The following TSTD2 variants were observed in gnomAD, a reference collection of about 807,000 sequenced individuals.
TSTD2 encodes thiosulfate sulfurtransferase/rhodanese-like domain-containing protein 2.
A neutral mutation model predicts 47.9 loss-of-function variants in TSTD2; 37 were observed. The ratio of observed to expected loss-of-function variants is 0.77; its 90% CI spans 0.59 to 1.02. The LOEUF (loss-of-function observed/expected upper bound fraction) is 1.02. Among genes scored for constraint, TSTD2 ranks in the 50% least tolerant of loss-of-function variants. The probability of loss-of-function intolerance (pLI) is 0.00; values close to 1 mark genes in which losing one functional copy is unlikely to be tolerated. For missense variants in TSTD2, 586 were observed against 616.0 expected, an observed-to-expected ratio of 0.95 and a Z score of 0.52; for synonymous variants, 201 against 215.9, an observed-to-expected ratio of 0.93 and a Z score of 0.61.
rs12001859 is a variant in TSTD2 at position 97,630,646 on chromosome 9, G to A, written c.-51+2597C>T. On this transcript the variant is annotated intron_variant, in intron 1 of 9. Transcript: ENST00000341170. ...ACAGGTGATCTCATCTACTTCCAAG[G>A]ACTTAAAACTATATTTGCCTCAAAA... Among the ~76,000 whole-genome samples the A allele has an allele frequency of 1.0e-2, 1,518 of 152,168 alleles. 27 individuals are homozygous for A. The highest frequency in any genetic ancestry group is 0.034 in the African/African-American group (1,405 of 41,496).
At chr9:97,631,737 G>C (rs1826818401) in intron 1 of TSTD2, among the ~76,000 whole-genome samples, 1 of 152,092 alleles carries the variant, frequency 6.6e-6, no homozygotes. Context: ...GCCGCTACTT[G>C]GGTGGCTAAG....
chr9:97,604,951 T>C, intron 8 of TSTD2, 86 bp from the exon 9 acceptor site: 1 of 1,555,008 alleles, frequency 6.4e-7, no homozygotes, highest in Non-Finnish European at 8.7e-7. Flanking sequence ...TGGCGAGGAG[T>C]GCTGACGTAG....
chr9:97,627,312 C>T (rs1826738284), intron 2 of TSTD2, 86 bp downstream of exon 2: 6 of 1,493,508 alleles, frequency 4.0e-6, no homozygotes, highest in Non-Finnish European at 5.4e-6. Flanking sequence ...TTACCTTGAG[C>T]TGGAGAGCAA....
In TSTD2 at chr9:97,600,648, C is replaced by CACTT; in HGVS notation, c.*1817_*1820dup. The CACTT allele has an allele frequency of 2.0e-6, 2 of 990,382 alleles. No homozygotes were observed. The highest frequency in any genetic ancestry group is 1.2e-6 in the Non-Finnish European group (1 of 833,060). 61.3% of individuals were successfully genotyped at this position (990,382 alleles called of 1,614,324 possible). A position where few individuals can be genotyped will look rare whatever the true frequency, so the allele number is the denominator to read the frequency against. On this transcript the variant is annotated 3_prime_UTR_variant, in exon 10 of 10. Coordinates refer to ENST00000341170, the MANE Select transcript of TSTD2 (RefSeq NM_139246.5). ...TAGAGACTTCAGCTACTGATCTCATCACTTATTAGACAAATTGCTGCTGAC... is the reference window on the plus strand; with the variant it reads ...TAGAGACTTCAGCTACTGATCTCATCACTTACTTATTAGACAAATTGCTGCTGAC...
chr9:97,624,341 G>C (rs955310470), intron 3 of TSTD2, among the ~76,000 whole-genome samples: 1 of 152,130 alleles, frequency 6.6e-6, no homozygotes, highest in African/African-American at 2.4e-5. Context: ...CCCACAGAGA[G>C]GAATGGAGGC....
chr9:97,614,687 C>T (rs1273219982), intron 4 of TSTD2, among the ~76,000 whole-genome samples: 1 of 152,150 alleles, frequency 6.6e-6, no homozygotes, highest in Admixed American at 6.5e-5. Context: ...AGGAAGGAAA[C>T]AGCAAATGTC....
In TSTD2 at chr9:97,601,306, A is replaced by G; in HGVS notation, c.*1163T>C. 1 of 1,171,474 alleles carries G rather than the reference A, an allele frequency of 8.5e-7. No individual in the cohort carries two copies. The highest frequency in any genetic ancestry group is 1.6e-5 in the South Asian group (1 of 61,746). The allele number at this position is 1,171,474 out of a possible 1,614,324, so 72.6% of individuals were successfully genotyped here. On this transcript the variant is annotated 3_prime_UTR_variant, in exon 10 of 10. Coordinates refer to ENST00000341170, the MANE Select transcript of TSTD2 (RefSeq NM_139246.5). ...TGTGTGACAGGGACATGTGCCTGGC[A>G]CACTGGCCAGAAGACTGGGCAGCCA...
intron 3 of TSTD2, among the ~76,000 whole-genome samples, chr9:97,621,931 C>T (rs982647338): frequency 1.3e-5 from 2 of 151,946 alleles, no homozygotes; most frequent in African/African-American, 4.8e-5. Flanking sequence ...TTTTGAAATC[C>T]CTAATAAAAA....
At chr9:97,612,528 TAAC>T (rs754959902) in intron 4 of TSTD2, among the ~76,000 whole-genome samples, 4 of 152,242 alleles carry the variant, frequency 2.6e-5, no homozygotes, top group Non-Finnish European at 5.9e-5. Flanking sequence ...GACTTTTTAA[TAAC>T]AGCCATTCTG....
intron 8 of TSTD2, 53 bp downstream of exon 8, chr9:97,605,430 T>C: frequency 6.2e-7 from 1 of 1,603,748 alleles, no homozygotes; most frequent in Non-Finnish European, 8.5e-7. Flanking sequence ...AAGCTGCTGG[T>C]GGAGCTGCCT....
chr9:97,605,056 C>G (rs1210539713), intron 8 of TSTD2, among the ~76,000 whole-genome samples, 191 bp from the exon 9 acceptor site: 2 of 152,160 alleles, frequency 1.3e-5, no homozygotes, highest in African/African-American at 4.8e-5. Context: ...ACCAACTGGC[C>G]AGATCTTGCC....
chr9:97,614,057 T>C (rs1220273157), intron 4 of TSTD2, among the ~76,000 whole-genome samples: 6 of 152,050 alleles, frequency 3.9e-5, no homozygotes, highest in Non-Finnish European at 7.4e-5. Context: ...CTCAATCTCC[T>C]GACCTTGTGA....
chr9:97,610,722 CAT>C (rs1287116803), intron 5 of TSTD2: 32 of 242,010 alleles, frequency 1.3e-4, no homozygotes, highest in African/African-American at 5.4e-4. Flanking sequence ...GCAATTCTAA[CAT>C]GTGACTATAC....
intron 3 of TSTD2, among the ~76,000 whole-genome samples, chr9:97,618,997 T>C (rs1369856382): frequency 1.3e-5 from 2 of 152,236 alleles, no homozygotes; most frequent in African/African-American, 4.8e-5. Context: ...TCGTTGTTTT[T>C]CTAACTAGTA....
At position 97,600,752 on chromosome 9, in the gene TSTD2, C is replaced by A; in HGVS notation, c.*1717G>T. 1 of 1,006,626 alleles carries A rather than the reference C, an allele frequency of 9.9e-7. No individual in the cohort carries two copies. The highest frequency in any genetic ancestry group is 1.2e-6 in the Non-Finnish European group (1 of 842,696). 62.4% of individuals were successfully genotyped at this position (1,006,626 alleles called of 1,614,324 possible). On this transcript the variant is annotated 3_prime_UTR_variant, in exon 10 of 10. Transcript: ENST00000341170. The stretch of plus-strand genomic sequence containing the variant: ...CCAGATATCAAGGAATTGGGAAATC[C>A]TGGCCAAACCACCCCAAGATGATTA...
At chr9:97,607,584 G>T (rs1182434931) in intron 6 of TSTD2, among the ~76,000 whole-genome samples, 3 of 152,228 alleles carry the variant, frequency 2.0e-5, no homozygotes, top group Admixed American at 6.5e-5. Context: ...GATACAAAAA[G>T]AGTGGGGTGA....
chr9:97,617,187 G>A (rs1319033339), intron 4 of TSTD2, among the ~76,000 whole-genome samples: 1 of 152,192 alleles, frequency 6.6e-6, no homozygotes, highest in East Asian at 1.9e-4. Context: ...TATGTGAGCC[G>A]AGATCTGAAG....
At chr9:97,605,441 C>A in intron 8 of TSTD2, 42 bp downstream of exon 8, 1 of 1,607,314 alleles carries the variant, frequency 6.2e-7, no homozygotes, top group Non-Finnish European at 8.5e-7. Context: ...GGAGCTGCCT[C>A]CTTCACTGCC....
chr9:97,605,727 ACTTAGCAAAGAAGCCCCT>A, intron 7 of TSTD2, 86 bp from the exon 8 acceptor site: 1 of 1,548,180 alleles, frequency 6.5e-7, no homozygotes, highest in Non-Finnish European at 8.8e-7. Context: ...AACAAACCCT[ACTTAGCAAAGAAGCCCCT>A]GCCAGTTGCT....
Sources: gnomAD v4.1 joint callset for allele counts (sites outside exome capture counted in the v4.1 genomes callset) on GRCh38, gnomAD v4.1.1 for gene constraint, MANE v1.5 for transcripts, NCBI Gene and HGNC (gene_info 2026-07-23, HGNC 2026-07-21) for gene names.